MAFK: variants seen among roughly 807,000 people sequenced by gnomAD.
MAFK encodes MAF bZIP transcription factor K.
MAFK carries 1 observed loss-of-function variant against 9.2 expected under a neutral mutation model. That is an observed-to-expected ratio of 0.11 (90% CI 0.04 to 0.52). MAFK has a LOEUF of 0.52. MAFK is among the 20% of genes least tolerant of loss of function. The pLI, the probability that MAFK is intolerant of heterozygous loss-of-function variation, is 0.94. For synonymous variants in MAFK, 110 were observed against 107.4 expected, an observed-to-expected ratio of 1.02 and a Z score of -0.15; for missense variants, 207 against 236.0, an observed-to-expected ratio of 0.88 and a Z score of 0.81.
In MAFK at chr7:1,534,403, G is replaced by A. The variant is rs1264366357; in HGVS notation, c.-45+3505G>A. ...CCCGGCTTGGGGTCTCTGGCAGAAAGGCTCCTGGGAGAGGCGGGTACACCT... is the reference window on the plus strand; with the variant it reads ...CCCGGCTTGGGGTCTCTGGCAGAAAAGCTCCTGGGAGAGGCGGGTACACCT... On this transcript the variant is annotated intron_variant, in intron 1 of 2. Transcript: ENST00000343242. This position sits in a 1 kb window ranked among gnomAD's most constrained non-coding sequence, Gnocchi z 4.3. The A allele has an allele frequency of 2.3e-5, 10 of 440,538 alleles. No individual in the cohort carries two copies. Among genetic ancestry groups the A allele is most frequent in the South Asian group, 7.8e-5 (5 of 64,172 alleles). The allele number at this position is 440,538 out of a possible 1,614,324, so 27.3% of individuals were successfully genotyped here.
chr7:1,539,576 A>G (rs1035849069), intron 2 of MAFK, among the ~76,000 whole-genome samples: 46 of 152,194 alleles, frequency 3.0e-4, no homozygotes, highest in Non-Finnish European at 6.0e-4. Context: ...TCCAGCTCCC[A>G]AGGCCCGAGC....
rs747183610 is a variant in MAFK, at chr7:1,540,392, G to GGGGTGGC, written c.*21_*27dup. ...GCATCCTAGTGCCGGCCGGGGGCGG[G>GGGGTGGC]GGGTGGCGGGCGGCGGGCGGCGGGC... On this transcript the variant is annotated 3_prime_UTR_variant, in exon 3 of 3. Coordinates refer to ENST00000343242, the MANE Select transcript of MAFK (RefSeq NM_002360.4). 3 of 1,482,590 alleles carry GGGGTGGC rather than the reference G, an allele frequency of 2.0e-6. No homozygotes were observed. Among genetic ancestry groups the GGGGTGGC allele is most frequent in the African/African-American group, 1.4e-5 (1 of 70,398 alleles). 91.8% of individuals were successfully genotyped at this position (1,482,590 alleles called of 1,614,324 possible). A position where few individuals can be genotyped will look rare whatever the true frequency, so the allele number is the denominator to read the frequency against.
chr7:1,539,970 G>A lies in MAFK; in HGVS notation c.66G>A (p.Pro22=), dbSNP rs775055520. 5.2e-6 allele frequency: 8 copies of A among 1,546,732 alleles called. No homozygotes were observed. The highest frequency in any genetic ancestry group is 2.7e-5 in the African/African-American group (2 of 73,026). ...KVKKEAGENA[P]VLSDDELVSM... ...AGAAGGAGGCGGGCGAGAACGCCCC[G>A]GTGCTCAGCGATGATGAGCTGGTGT... The change falls in exon 3 of 3, where the codon CCG becomes CCA. Residue 22 remains proline (P), a synonymous_variant. Transcript: ENST00000343242.
rs968215772 is a variant in MAFK, at chr7:1,532,931, G to A, written c.-45+2033G>A. Among the ~76,000 whole-genome samples, 3 of 152,290 alleles carry A rather than the reference G, an allele frequency of 2.0e-5. No homozygotes were observed. The highest frequency in any genetic ancestry group is 1.9e-4 in the East Asian group (1 of 5,194). On this transcript the variant is annotated intron_variant, in intron 1 of 2. Coordinates refer to ENST00000343242, the MANE Select transcript of MAFK (RefSeq NM_002360.4). This position sits in a 1 kb window ranked among gnomAD's most constrained non-coding sequence, Gnocchi z 4.5. ...TTTCAACAGTAAACAGTGACTCACCGCTCCGTCCCCACCCTCCCTGCTCTC... is the reference window on the plus strand; with the variant it reads ...TTTCAACAGTAAACAGTGACTCACCACTCCGTCCCCACCCTCCCTGCTCTC...
In MAFK at chr7:1,534,357, T is replaced by C; in HGVS notation, c.-45+3459T>C. On this transcript the variant is annotated intron_variant, in intron 1 of 2. Coordinates refer to ENST00000343242, the MANE Select transcript of MAFK (RefSeq NM_002360.4). The surrounding 1 kb of genome is among the most constrained non-coding windows in gnomAD (Gnocchi z 4.3). Reference sequence around the variant, plus strand: ...GTGCCACAGCGGCCCCACCTACCCTTGCGGCCCAGTGTGGAGGGCACCCGG... The same window carrying C: ...GTGCCACAGCGGCCCCACCTACCCTCGCGGCCCAGTGTGGAGGGCACCCGG... 2 of 451,638 alleles carry C rather than the reference T, an allele frequency of 4.4e-6. No individual in the cohort carries two copies. The highest frequency in any genetic ancestry group is 9.0e-6 in the Non-Finnish European group (2 of 223,294). 28.0% of individuals were successfully genotyped at this position (451,638 alleles called of 1,614,324 possible).
Position 1,540,657 on chromosome 7 carries a change from A to G in MAFK, c.*282A>G. On this transcript the variant is annotated 3_prime_UTR_variant, in exon 3 of 3. Transcript: ENST00000343242. ...GGAATTGGTATCTTGCACCCGTGGG[A>G]GTCGGGACATATAATGGAAAGGCCC... The G allele has an allele frequency of 2.2e-6, 1 of 450,450 alleles. No individual in the cohort carries two copies. 27.9% of individuals were successfully genotyped at this position (450,450 alleles called of 1,614,324 possible).
intron 1 of MAFK, among the ~76,000 whole-genome samples, chr7:1,537,026 G>A (rs903847902): frequency 3.4e-4 from 52 of 152,222 alleles, no homozygotes; most frequent in Non-Finnish European, 7.1e-4. Context: ...GGGCACAGGC[G>A]TGCTTCAGTA....
Position 1,535,661 on chromosome 7 carries a change from T to C in MAFK, c.-44-3488T>C, listed in dbSNP as rs188580068. ...TGACACCTTGTCTCTAAAATGAAAA[T>C]TAAAAGGGAAAACATGATCCTCCAG... On this transcript the variant is annotated intron_variant, in intron 1 of 2. Coordinates refer to ENST00000343242, the MANE Select transcript of MAFK (RefSeq NM_002360.4). Among the ~76,000 whole-genome samples the C allele has an allele frequency of 1.4e-3, 206 of 152,118 alleles. 1 individual carries two copies. The highest frequency in any genetic ancestry group is 2.3e-3 in the Non-Finnish European group (154 of 67,994).
chr7:1,534,865 C>T lies in MAFK; in HGVS notation c.-45+3967C>T, dbSNP rs1477794241. The T allele has an allele frequency of 6.4e-6, 2 of 312,674 alleles. No homozygotes were observed. The highest frequency in any genetic ancestry group is 4.4e-5 in the African/African-American group (2 of 45,972). The allele number at this position is 312,674 out of a possible 1,614,324, so 19.4% of individuals were successfully genotyped here. A position where few individuals can be genotyped will look rare whatever the true frequency, so the allele number is the denominator to read the frequency against. On this transcript the variant is annotated intron_variant, in intron 1 of 2. Transcript: ENST00000343242. The surrounding 1 kb of genome is among the most constrained non-coding windows in gnomAD (Gnocchi z 4.3). ...CACAGCCGGGACCGTTCAGAGGGGT[C>T]ATCCAGCCGTCAGCTGCTCAACTCA...
intron 2 of MAFK, 121 bp downstream of exon 2, chr7:1,539,349 G>C: frequency 1.3e-6 from 1 of 768,916 alleles, no homozygotes; most frequent in Non-Finnish European, 2.2e-6. Context: ...CTGTTGCCAG[G>C]AGGAGGGGGG....
At chr7:1,531,533 T>TGGGGAGGCGGGA (rs1174498930) in intron 1 of MAFK, among the ~76,000 whole-genome samples, 2 of 151,876 alleles carry the variant, frequency 1.3e-5, no homozygotes, top group Middle Eastern at 3.4e-3. Flanking sequence ...AGGAAGGCCG[T>TGGGGAGGCGGGA]GGGGAGGCGG....
chr7:1,531,697 G>C (rs767026501), intron 1 of MAFK, among the ~76,000 whole-genome samples: 2 of 152,120 alleles, frequency 1.3e-5, no homozygotes, highest in Non-Finnish European at 2.9e-5. Flanking sequence ...GTGTGTCTGC[G>C]TCTGCACAGC....
At chr7:1,535,536 T>C (rs1425457292) in intron 1 of MAFK, among the ~76,000 whole-genome samples, 1 of 152,198 alleles carries the variant, frequency 6.6e-6, no homozygotes, top group Non-Finnish European at 1.5e-5. Context: ...CCACCCGTAG[T>C]CCCAGCTGCT....
At position 1,541,828 on chromosome 7, in the gene MAFK, C is replaced by G. The variant is rs1215541025; in HGVS notation, c.*1453C>G. On this transcript the variant is annotated 3_prime_UTR_variant, in exon 3 of 3. Coordinates refer to ENST00000343242, the MANE Select transcript of MAFK (RefSeq NM_002360.4). ...GTCCCTCCTGTGACTGGGGTCTCTGCAGCGAGAGCCGCGGGGGTTGCGGAG... is the reference window on the plus strand; with the variant it reads ...GTCCCTCCTGTGACTGGGGTCTCTGGAGCGAGAGCCGCGGGGGTTGCGGAG... 6.6e-6 allele frequency: 1 copy of G among 152,316 alleles called. No individual in the cohort carries two copies. The highest frequency in any genetic ancestry group is 1.5e-5 in the Non-Finnish European group (1 of 68,124). 9.4% of individuals were successfully genotyped at this position (152,316 alleles called of 1,614,324 possible). A position where few individuals can be genotyped will look rare whatever the true frequency, so the allele number is the denominator to read the frequency against.
rs1341603023 is a variant in MAFK at position 1,540,960 on chromosome 7, CT to C, written c.*586del. Reference sequence around the variant, plus strand: ...GATCCGCGTCTGCCTTAGCAGGGGCCTGCGTGAGTGGGCACGGTGTGGGAGG... The same window carrying C: ...GATCCGCGTCTGCCTTAGCAGGGGCCGCGTGAGTGGGCACGGTGTGGGAGG... On this transcript the variant is annotated 3_prime_UTR_variant, in exon 3 of 3. Transcript: ENST00000343242. 6.5e-6 allele frequency: 1 copy of C among 154,760 alleles called. No homozygotes were observed. Among genetic ancestry groups the C allele is most frequent in the East Asian group, 1.9e-4 (1 of 5,196 alleles). The allele number at this position is 154,760 out of a possible 1,614,324, so 9.6% of individuals were successfully genotyped here. A position where few individuals can be genotyped will look rare whatever the true frequency, so the allele number is the denominator to read the frequency against.
chr7:1,535,730 A>G (rs957279415), intron 1 of MAFK, among the ~76,000 whole-genome samples: 2 of 152,238 alleles, frequency 1.3e-5, no homozygotes, highest in Non-Finnish European at 2.9e-5. Flanking sequence ...CTGAAAGCAC[A>G]GTTCTGGACG....
intron 1 of MAFK, among the ~76,000 whole-genome samples, chr7:1,531,338 C>T (rs1454945873): frequency 6.6e-6 from 1 of 152,004 alleles, no homozygotes; most frequent in East Asian, 1.9e-4. Context: ...GCTTCCGCCC[C>T]AGCGTGGCTT....
rs1291894890 is a variant in MAFK at position 1,534,359 on chromosome 7, C to T, written c.-45+3461C>T. 3 of 451,474 alleles carry T rather than the reference C, an allele frequency of 6.6e-6. No homozygotes were observed. The highest frequency in any genetic ancestry group is 1.6e-5 in the South Asian group (1 of 64,438). The allele number at this position is 451,474 out of a possible 1,614,324, so 28.0% of individuals were successfully genotyped here. ...GCCACAGCGGCCCCACCTACCCTTG[C>T]GGCCCAGTGTGGAGGGCACCCGGCT... On this transcript the variant is annotated intron_variant, in intron 1 of 2. Transcript: ENST00000343242. The surrounding 1 kb of genome is among the most constrained non-coding windows in gnomAD (Gnocchi z 4.3).
At chr7:1,536,610 T>C (rs1298294217) in intron 1 of MAFK, among the ~76,000 whole-genome samples, 3 of 152,260 alleles carry the variant, frequency 2.0e-5, no homozygotes, top group Non-Finnish European at 4.4e-5. Context: ...TTTAGATCAG[T>C]TGCTTTACAA....
Sources: gnomAD v4.1 joint callset for allele counts (sites outside exome capture counted in the v4.1 genomes callset) on GRCh38, gnomAD v4.1.1 for gene constraint, Gnocchi (gnomAD v3.1) non-coding constraint, MANE v1.5 for transcripts, NCBI Gene and HGNC (gene_info 2026-07-23, HGNC 2026-07-21) for gene names.